IL1R1: variants seen among roughly 807,000 people sequenced by gnomAD.
IL1R1 encodes the protein interleukin 1 receptor type 1.
IL1R1 carries 22 observed loss-of-function variants against 50.2 expected under a neutral mutation model. That is an observed-to-expected ratio of 0.44 (90% CI 0.31 to 0.63). IL1R1 has a LOEUF of 0.63. Among genes scored for constraint, IL1R1 ranks in the 20% least tolerant of loss-of-function variants. The pLI is 0.07. For synonymous variants in IL1R1, 251 were observed against 236.7 expected (o/e 1.06, Z -0.55); for missense variants, 509 against 676.2 (o/e 0.75, Z 2.74).
At chr2:102,083,399 G>T (rs1265461624) in intron 1 of IL1R1, among the ~76,000 whole-genome samples, 4 of 152,062 alleles carry the variant, frequency 2.6e-5, no homozygotes, top group African/African-American at 7.2e-5. Context: ...GAGTGCCGAG[G>T]TATTTCTGGG....
chr2:102,070,993 CA>C (rs1208337144), intron 1 of IL1R1, among the ~76,000 whole-genome samples: 1 of 151,134 alleles, frequency 6.6e-6, no homozygotes, highest in Non-Finnish European at 1.5e-5. Context: ...ATGGAACTGT[CA>C]AAAAGGATTA....
intron 1 of IL1R1, among the ~76,000 whole-genome samples, chr2:102,071,883 G>A (rs1678737095): frequency 6.6e-6 from 1 of 152,156 alleles, no homozygotes; most frequent in South Asian, 2.1e-4. Context: ...ATCTTCCGAG[G>A]AAGCACCTGG....
At chr2:102,140,307 G>A (rs537889289), upstream of IL1R1, among the ~76,000 whole-genome samples, 1 of 152,318 alleles carries the variant, frequency 6.6e-6, no homozygotes, top group South Asian at 2.1e-4. Context: ...TGTTGTGTTG[G>A]TCAATATGAT....
At chr2:102,139,133 G>A (rs922450791), upstream of IL1R1, among the ~76,000 whole-genome samples, 113 of 152,208 alleles carry the variant, frequency 7.4e-4, no homozygotes, top group African/African-American at 2.4e-3. Flanking sequence ...CTGGTGTCCC[G>A]GGAGGGGTTC....
At chr2:102,097,137 G>A (rs1253565258) in intron 1 of IL1R1, among the ~76,000 whole-genome samples, 1 of 152,080 alleles carries the variant, frequency 6.6e-6, no homozygotes, top group Non-Finnish European at 1.5e-5. Context: ...CTTTTTCGTG[G>A]TTCTTTTAGA....
intron 1 of IL1R1, among the ~76,000 whole-genome samples, chr2:102,086,329 C>T (rs908428461): frequency 1.1e-4 from 17 of 152,086 alleles, no homozygotes; most frequent in African/African-American, 3.9e-4. Flanking sequence ...CATTGTATTT[C>T]CTGTATGTGA....
chr2:102,160,808 T>C (rs1046570792), intron 3 of IL1R1, among the ~76,000 whole-genome samples: 1 of 152,212 alleles, frequency 6.6e-6, no homozygotes, highest in African/African-American at 2.4e-5. Flanking sequence ...TTCCTTTTGT[T>C]TCTGCTTCTG....
chr2:102,159,900 C>T (rs1684549721), intron 3 of IL1R1, among the ~76,000 whole-genome samples: 1 of 152,180 alleles, frequency 6.6e-6, no homozygotes, highest in Non-Finnish European at 1.5e-5. Context: ...AAGCTACAAA[C>T]CCTGCTGATC....
In IL1R1 at chr2:102,108,646, A is replaced by C. The variant is rs539882899; in HGVS notation, c.-84+3774A>C. Among the ~76,000 whole-genome samples, 10 of 152,298 alleles carry C rather than the reference A, an allele frequency of 6.6e-5. 1 individual carries two copies. In the South Asian group the frequency reaches 2.1e-3, roughly 32 times the overall value. ...AAGGCACCCCAGAAGATTAAAAAAA[A>C]ACCTAAATGGAGCTTTTCTAGGGGC... On this transcript the variant is annotated intron_variant, in intron 1 of 10. Transcript: ENST00000409329.
chr2:102,094,320 CA>C (rs1323446940), intron 1 of IL1R1, among the ~76,000 whole-genome samples: 1 of 152,196 alleles, frequency 6.6e-6, no homozygotes, highest in Non-Finnish European at 1.5e-5. Context: ...GAAGCATTTA[CA>C]GAATGCTATT....
intron 1 of IL1R1, among the ~76,000 whole-genome samples, chr2:102,109,750 G>C (rs1388689375): frequency 6.6e-6 from 1 of 152,080 alleles, no homozygotes. Context: ...AGACTCGATG[G>C]GCGTTTAAAA....
intron 1 of IL1R1, among the ~76,000 whole-genome samples, chr2:102,086,586 G>T (rs934392275): frequency 2.0e-5 from 3 of 151,776 alleles, no homozygotes; most frequent in Admixed American, 1.3e-4. Context: ...AGAGCCAGGG[G>T]CTCTGTTTAT....
At chr2:102,158,780 G>A (rs1684436530) in intron 3 of IL1R1, among the ~76,000 whole-genome samples, 1 of 152,188 alleles carries the variant, frequency 6.6e-6, no homozygotes. Context: ...AGACCAGAGA[G>A]GTGATCTGAC....
At chr2:102,075,594 A>T (rs765402279) in intron 1 of IL1R1, among the ~76,000 whole-genome samples, 16 of 152,234 alleles carry the variant, frequency 1.1e-4, no homozygotes, top group Non-Finnish European at 1.8e-4. Context: ...TTGATCTCAG[A>T]ACCCCATTGC....
chr2:102,102,956 C>T (rs145825514), upstream of IL1R1, among the ~76,000 whole-genome samples: 1,090 of 151,980 alleles, frequency 7.2e-3, 9 homozygotes, highest in African/African-American at 0.024. Context: ...TGAGTTCATA[C>T]GGACACAAAG....
chr2:102,116,472 C>T (rs544115882), intron 1 of IL1R1, among the ~76,000 whole-genome samples: 18 of 152,174 alleles, frequency 1.2e-4, no homozygotes, highest in Non-Finnish European at 1.6e-4. Context: ...AAATGGCTGA[C>T]TCTTCTGCAA....
At chr2:102,099,273 G>T (rs957172521) in intron 1 of IL1R1, among the ~76,000 whole-genome samples, 1 of 152,144 alleles carries the variant, frequency 6.6e-6, no homozygotes, top group Non-Finnish European at 1.5e-5. Context: ...GCAAAACAAA[G>T]AACCCAAAAT....
intron 1 of IL1R1, among the ~76,000 whole-genome samples, chr2:102,130,106 A>C (rs541335735): frequency 1.3e-5 from 2 of 152,306 alleles, no homozygotes; most frequent in South Asian, 4.2e-4. Context: ...ATAAGTTCTC[A>C]TATCTGCTTC....
At chr2:102,148,713 T>C (rs912008464) in intron 1 of IL1R1, among the ~76,000 whole-genome samples, 4 of 152,248 alleles carry the variant, frequency 2.6e-5, no homozygotes, top group African/African-American at 9.6e-5. Flanking sequence ...AAGCCAGGGC[T>C]TGTGTGAGTA....
Sources: allele counts gnomAD v4.1 joint callset (sites outside exome capture counted in the v4.1 genomes callset), GRCh38; gene constraint gnomAD v4.1.1; transcripts MANE v1.5; gene names NCBI Gene and HGNC (gene_info 2026-07-23, HGNC 2026-07-21).